Variants in CCDC158 observed in about 807,000 individuals in gnomAD.
The protein encoded by CCDC158 is coiled-coil domain-containing protein 158.
A neutral mutation model predicts 138.6 loss-of-function variants in CCDC158; 116 were observed. That is an observed-to-expected ratio of 0.84 (90% CI 0.72 to 0.98). The LOEUF is 0.98. Ranked by LOEUF, CCDC158 falls within the 50% of genes least tolerant of loss-of-function variation. The pLI is 0.00. For missense variants in CCDC158, 1,265 were observed against 1,306.1 expected (o/e 0.97, Z 0.48); for synonymous variants, 436 against 442.4 (o/e 0.99, Z 0.18).
chr4:76,365,965 G>A (rs1469905725), intron 12 of CCDC158, among the ~76,000 whole-genome samples: 1 of 152,174 alleles, frequency 6.6e-6, no homozygotes, highest in Non-Finnish European at 1.5e-5. Flanking sequence ...AACTCTCTGT[G>A]TCTCAGTTTC....
Position 76,328,907 on chromosome 4 carries a change from T to G in CCDC158, c.3003A>C (p.Thr1001=). The G allele has an allele frequency of 6.2e-7, 1 of 1,613,504 alleles. No individual in the cohort carries two copies. Among genetic ancestry groups the G allele is most frequent in the Non-Finnish European group, 8.5e-7 (1 of 1,179,418 alleles). ...REDPSGCFTF[T]SAASPSVKNS... is the part of the protein sequence containing the mutation. ...CTTTCATTGGAAACTCACCTGCAGA[T>G]GTGAATGTGAAGCAACCAGAGGGAT... Residue 1001 remains threonine, a synonymous_variant, in exon 22 of 25, where the codon ACA becomes ACC. Transcript: ENST00000682701.
In CCDC158 at chr4:76,328,974, G is replaced by T; in HGVS notation, c.2943-7C>A. ...GTGTAATGTGACTGGCTCTCTGGAA[G>T]CATAAGAATGGTAATGCAAGCATTC... On this transcript the variant is annotated splice_region_variant and splice_polypyrimidine_tract_variant and intron_variant, in intron 21 of 24. Transcript: ENST00000682701. The T allele has an allele frequency of 6.2e-7, 1 of 1,611,348 alleles. No individual in the cohort carries two copies.
intron 18 of CCDC158, among the ~76,000 whole-genome samples, chr4:76,338,800 A>C (rs554585782): frequency 2.0e-4 from 31 of 152,320 alleles, no homozygotes; most frequent in Non-Finnish European, 4.3e-4. Context: ...CCTGCACTGC[A>C]CACTTGTCTC....
intron 11 of CCDC158, among the ~76,000 whole-genome samples, chr4:76,368,212 TGATTTA>T (rs1470241067): frequency 1.3e-5 from 2 of 152,176 alleles, no homozygotes; most frequent in East Asian, 3.8e-4. Context: ...TTTTCTGTAC[TGATTTA>T]GATTAAGATA....
chr4:76,325,846 A>G lies in CCDC158; in HGVS notation c.3169+11T>C, dbSNP rs1720472196. On this transcript the variant is annotated intron_variant, in intron 23 of 24. Coordinates refer to ENST00000682701, the MANE Select transcript of CCDC158 (RefSeq NM_001394954.1). ...CAATTAATCACGTCAATGATATCAGATCTTTCTTACCTTTAACAGAATCAG... is the reference window on the plus strand; with the variant it reads ...CAATTAATCACGTCAATGATATCAGGTCTTTCTTACCTTTAACAGAATCAG... The G allele has an allele frequency of 6.2e-7, 1 of 1,601,674 alleles. No individual in the cohort carries two copies.
rs1730073448 is a variant in CCDC158, at chr4:76,420,960, T to C, written c.-117+5A>G. 6.6e-6 allele frequency among the ~76,000 whole-genome samples: 1 copy of C among 152,038 alleles called. No individual in the cohort carries two copies. The highest frequency in any genetic ancestry group is 6.5e-5 in the Admixed American group (1 of 15,280). ...CTCGTCTCCCGGGCCGCGCCCCGCT[T>C]GTACCTGCAACCAACACCTAATCCT... is the stretch of plus-strand genomic sequence containing the variant. On this transcript the variant is annotated splice_donor_5th_base_variant and intron_variant, in intron 1 of 24. Transcript: ENST00000682701.
At chr4:76,358,097 T>C (rs1266618088) in intron 13 of CCDC158, among the ~76,000 whole-genome samples, 2 of 152,156 alleles carry the variant, frequency 1.3e-5, no homozygotes, top group Non-Finnish European at 2.9e-5. Context: ...GACATCTCCA[T>C]GTAGATGTCC....
chr4:76,398,399 G>A (rs1453820945), intron 3 of CCDC158, among the ~76,000 whole-genome samples: 1 of 152,178 alleles, frequency 6.6e-6, no homozygotes, highest in Non-Finnish European at 1.5e-5. Context: ...GGGCGTGGTG[G>A]CTCATGGCTG....
At chr4:76,371,629 G>A in intron 9 of CCDC158, 93 bp from the exon 10 acceptor site, 5 of 1,468,866 alleles carry the variant, frequency 3.4e-6, no homozygotes, top group Non-Finnish European at 4.7e-6. Flanking sequence ...GTATTATTTT[G>A]AGAACAAAAA....
At chr4:76,366,932 C>A (rs1456098760) in intron 12 of CCDC158, among the ~76,000 whole-genome samples, 2 of 151,922 alleles carry the variant, frequency 1.3e-5, no homozygotes, top group Non-Finnish European at 2.9e-5. Flanking sequence ...GATATCGAAG[C>A]CAAGATTCAG....
At chr4:76,331,184 T>C (rs919802504) in intron 21 of CCDC158, among the ~76,000 whole-genome samples, 160 bp downstream of exon 21, 16 of 152,216 alleles carry the variant, frequency 1.1e-4, no homozygotes, top group Admixed American at 9.8e-4. Flanking sequence ...GACTTCACGA[T>C]TGTAAGCAAC....
rs372530173 is a variant in CCDC158, at chr4:76,318,681, AC to A, written c.3277+4620del. On this transcript the variant is annotated intron_variant, in intron 24 of 24. Coordinates refer to ENST00000682701, the MANE Select transcript of CCDC158 (RefSeq NM_001394954.1). Reference sequence around the variant, plus strand: ...TCTGTGAAGTCAGTATCACCCTAATACTAAAAGCAGGAAAGGACATAACAAA... The same window carrying A: ...TCTGTGAAGTCAGTATCACCCTAATATAAAAGCAGGAAAGGACATAACAAA... Among the ~76,000 whole-genome samples the A allele has an allele frequency of 1.2e-3, 185 of 152,318 alleles. 1 individual carries two copies. Among genetic ancestry groups the A allele is most frequent in the African/African-American group, 4.1e-3 (172 of 41,582 alleles).
At chr4:76,319,303 T>A (rs1578849718) in intron 24 of CCDC158, among the ~76,000 whole-genome samples, 1 of 147,684 alleles carries the variant, frequency 6.8e-6, no homozygotes, top group African/African-American at 2.5e-5. Flanking sequence ...CATGGTGGCA[T>A]GTGCCTGTAA....
intron 4 of CCDC158, among the ~76,000 whole-genome samples, chr4:76,384,957 C>T (rs75352603): frequency 0.011 from 1,638 of 152,268 alleles, 25 homozygotes; most frequent in African/African-American, 0.037. Context: ...ACATTTTTTA[C>T]ATGAAAACAT....
intron 8 of CCDC158, among the ~76,000 whole-genome samples, chr4:76,380,308 A>G (rs759576377): frequency 1.3e-4 from 20 of 152,186 alleles, no homozygotes; most frequent in Non-Finnish European, 2.1e-4. Context: ...CAAAATGCTG[A>G]TAGTGATATG....
chr4:76,421,108 C>G lies in CCDC158; in HGVS notation c.-260G>C, dbSNP rs1030945151. On this transcript the variant is annotated 5_prime_UTR_variant, in exon 1 of 25. Coordinates refer to ENST00000682701, the MANE Select transcript of CCDC158 (RefSeq NM_001394954.1). ...CCTAGGCCCCGCGGAGGCTGCGGGG[C>G]GGCTCCTCCTCCTCGGCTGCGGCGC... 6.6e-6 allele frequency among the ~76,000 whole-genome samples: 1 copy of G among 152,000 alleles called. No individual in the cohort carries two copies. Among genetic ancestry groups the G allele is most frequent in the Non-Finnish European group, 1.5e-5 (1 of 67,972 alleles).
chr4:76,383,561 A>G, intron 7 of CCDC158, 101 bp downstream of exon 7: 1 of 783,918 alleles, frequency 1.3e-6, no homozygotes, highest in Non-Finnish European at 2.2e-6. Context: ...AAAAAAACTT[A>G]TGTGTTTCAG....
chr4:76,380,477 G>A (rs1023733036), intron 8 of CCDC158, among the ~76,000 whole-genome samples: 2 of 152,174 alleles, frequency 1.3e-5, no homozygotes, highest in Admixed American at 6.5e-5. Context: ...AGATGATTCA[G>A]GGTGTCGGGC....
At chr4:76,336,265 T>C (rs1721499335) in intron 18 of CCDC158, among the ~76,000 whole-genome samples, 1 of 151,956 alleles carries the variant, frequency 6.6e-6, no homozygotes, top group Non-Finnish European at 1.5e-5. Context: ...ATGACATTCT[T>C]TTATTGACTT....
Sources: gnomAD v4.1 joint callset for allele counts (sites outside exome capture counted in the v4.1 genomes callset) on GRCh38, gnomAD v4.1.1 for gene constraint, MANE v1.5 for transcripts, NCBI Gene and HGNC (gene_info 2026-07-23, HGNC 2026-07-21) for gene names.